The following NCKAP5 variants were observed in gnomAD, a reference collection of about 807,000 sequenced individuals.
The protein encoded by NCKAP5 is NCK associated protein 5.
NCKAP5 carries 92 observed loss-of-function variants against 167.0 expected under a neutral mutation model. That is an observed-to-expected ratio of 0.55 (90% CI 0.47 to 0.66). NCKAP5 has a LOEUF of 0.66. Ranked by LOEUF, NCKAP5 falls within the 30% of genes least tolerant of loss-of-function variation. NCKAP5 has a pLI of 0.00. For synonymous variants in NCKAP5, 891 were observed against 877.4 expected, an observed-to-expected ratio of 1.02 and a Z score of -0.27; for missense variants, 2,378 against 2,315.0, an observed-to-expected ratio of 1.03 and a Z score of -0.56.
At chr2:133,386,116 T>G (rs1360209623) in intron 3 of NCKAP5, among the ~76,000 whole-genome samples, 1 of 152,200 alleles carries the variant, frequency 6.6e-6, no homozygotes. Flanking sequence ...CTCTTGCTTC[T>G]CTAGTTATTT....
intron 6 of NCKAP5, among the ~76,000 whole-genome samples, chr2:133,028,624 G>T (rs943482022): frequency 6.6e-6 from 1 of 152,146 alleles, no homozygotes; most frequent in Admixed American, 6.5e-5. Flanking sequence ...TAAAGCACTT[G>T]CAATTTAGTA....
At position 133,329,768 on chromosome 2, in the gene NCKAP5, A is replaced by G. The variant is rs950118703; in HGVS notation, c.70-26658T>C. On this transcript the variant is annotated intron_variant, in intron 3 of 19. Transcript: ENST00000409261. Reference sequence around the variant, plus strand: ...AATTCTCCAGAATTTAAAAAATGCTAAAGAAGACACACACTGTACCCCAAA... The same window carrying G: ...AATTCTCCAGAATTTAAAAAATGCTGAAGAAGACACACACTGTACCCCAAA... Among the ~76,000 whole-genome samples, 5 of 152,190 alleles carry G rather than the reference A, an allele frequency of 3.3e-5. No individual in the cohort carries two copies. The East Asian group carries it at 7.7e-4, about 23-fold the overall frequency.
intron 6 of NCKAP5, among the ~76,000 whole-genome samples, chr2:133,078,385 G>A (rs1454291652): frequency 6.6e-6 from 1 of 152,164 alleles, no homozygotes; most frequent in Non-Finnish European, 1.5e-5. Flanking sequence ...ACACTGCTGG[G>A]AAGTGGGGGC....
chr2:133,664,633 G>A, the NCKAP5 span, among the ~76,000 whole-genome samples: 1 of 152,236 alleles, frequency 6.6e-6, no homozygotes, highest in Non-Finnish European at 1.5e-5. Context: ...CGTAATAGCT[G>A]GGATTACAGG....
chr2:133,188,577 A>C (rs2085060300), intron 5 of NCKAP5, among the ~76,000 whole-genome samples: 1 of 152,146 alleles, frequency 6.6e-6, no homozygotes, highest in African/African-American at 2.4e-5. Flanking sequence ...AAATTATAAC[A>C]AACTGTCTCT....
chr2:133,110,764 G>C (rs1369346370), intron 6 of NCKAP5, among the ~76,000 whole-genome samples: 2 of 152,126 alleles, frequency 1.3e-5, no homozygotes, highest in African/African-American at 2.4e-5. Flanking sequence ...ATTCTCACAC[G>C]CTGTGTTAGT....
intron 3 of NCKAP5, among the ~76,000 whole-genome samples, chr2:133,434,945 T>A (rs1177937633): frequency 2.6e-5 from 4 of 152,184 alleles, no homozygotes; most frequent in Non-Finnish European, 4.4e-5. Context: ...ATGAACAATA[T>A]TAGATAAAAG....
At chr2:133,502,941 A>G (rs1682660517) in intron 3 of NCKAP5, among the ~76,000 whole-genome samples, 2 of 152,120 alleles carry the variant, frequency 1.3e-5, no homozygotes, top group African/African-American at 2.4e-5. Context: ...CCCTTGCTCT[A>G]TGTTGCGATG....
intron 11 of NCKAP5, among the ~76,000 whole-genome samples, chr2:132,805,878 C>T (rs561952263): frequency 9.2e-5 from 14 of 152,024 alleles, no homozygotes; most frequent in East Asian, 5.8e-4. Flanking sequence ...ACTCATCACC[C>T]GAGCAGTATA....
intron 3 of NCKAP5, among the ~76,000 whole-genome samples, chr2:133,461,678 T>C (rs1436798896): frequency 6.6e-6 from 1 of 152,188 alleles, no homozygotes; most frequent in Admixed American, 6.5e-5. Context: ...CATTGACACA[T>C]CACTTCTACT....
At chr2:132,941,125 A>G (rs1337735901) in intron 8 of NCKAP5, among the ~76,000 whole-genome samples, 2 of 152,238 alleles carry the variant, frequency 1.3e-5, no homozygotes, top group Non-Finnish European at 2.9e-5. Context: ...AAATCCTCAA[A>G]GACAGGGTTG....
At chr2:133,513,118 T>C (rs1683644261) in intron 3 of NCKAP5, among the ~76,000 whole-genome samples, 1 of 152,194 alleles carries the variant, frequency 6.6e-6, no homozygotes, top group Non-Finnish European at 1.5e-5. Flanking sequence ...GTAAAGGGAC[T>C]GTTTACTGAA....
intron 8 of NCKAP5, among the ~76,000 whole-genome samples, chr2:132,948,604 G>T (rs981937070): frequency 2.0e-5 from 3 of 152,146 alleles, no homozygotes; most frequent in Non-Finnish European, 2.9e-5. Flanking sequence ...AGCTCTTGGA[G>T]AGCCCCAAAG....
Position 133,481,971 on chromosome 2 carries a change from C to T in NCKAP5, c.69+35487G>A, listed in dbSNP as rs567301731. On this transcript the variant is annotated intron_variant, in intron 3 of 19. Coordinates refer to ENST00000409261, the MANE Select transcript of NCKAP5 (RefSeq NM_207363.3). ...TTGTACACTTTAACCCACTTCTCTT[C>T]ACCCACCCTCTCCTCTAACTCATGC... is the stretch of plus-strand genomic sequence containing the variant. 2.1e-3 allele frequency among the ~76,000 whole-genome samples: 327 copies of T among 152,288 alleles called. 3 individuals carry two copies. The highest frequency in any genetic ancestry group is 7.2e-3 in the African/African-American group (301 of 41,572).
intron 3 of NCKAP5, among the ~76,000 whole-genome samples, chr2:133,434,103 C>CA (rs900648951): frequency 5.3e-5 from 8 of 150,512 alleles, no homozygotes; most frequent in South Asian, 2.1e-4. Flanking sequence ...TACTTGGAAT[C>CA]AAAAAAAAAT....
At chr2:133,166,987 A>G (rs563159094) in intron 5 of NCKAP5, among the ~76,000 whole-genome samples, 1 of 152,216 alleles carries the variant, frequency 6.6e-6, no homozygotes. Context: ...AACTTGAATC[A>G]TAAGCAAATT....
chr2:133,473,674 G>A (rs1679564604), intron 3 of NCKAP5, among the ~76,000 whole-genome samples: 1 of 152,214 alleles, frequency 6.6e-6, no homozygotes, highest in Admixed American at 6.5e-5. Flanking sequence ...GTTGTCTAGT[G>A]AAAATTACTT....
At chr2:133,533,783 T>C (rs1313505400) in intron 2 of NCKAP5, among the ~76,000 whole-genome samples, 2 of 152,182 alleles carry the variant, frequency 1.3e-5, no homozygotes, top group Non-Finnish European at 2.9e-5. Flanking sequence ...ACTGAATAAT[T>C]TTTAGATATT....
At chr2:132,995,375 G>T (rs972482901) in intron 6 of NCKAP5, among the ~76,000 whole-genome samples, 1 of 151,934 alleles carries the variant, frequency 6.6e-6, no homozygotes, top group Non-Finnish European at 1.5e-5. Context: ...TTTTGGCTGG[G>T]CACGGTGGCT....
Sources: allele counts gnomAD v4.1 joint callset (sites outside exome capture counted in the v4.1 genomes callset), GRCh38; gene constraint gnomAD v4.1.1; transcripts MANE v1.5; gene names NCBI Gene and HGNC (gene_info 2026-07-23, HGNC 2026-07-21).